Variants in SCARA5 observed in about 807,000 individuals in gnomAD.
SCARA5 encodes the protein scavenger receptor class A member 5.
In SCARA5, 45 loss-of-function variants were observed where a neutral mutation model predicts 46.3. That is an observed-to-expected ratio of 0.97 (90% CI 0.76 to 1.24). SCARA5 has a LOEUF of 1.24. Among genes scored for constraint, SCARA5 ranks in the 50% most tolerant of loss-of-function variants. SCARA5 has a pLI of 0.00. For synonymous variants in SCARA5, 333 were observed against 306.5 expected (o/e 1.09, Z -0.90); for missense variants, 680 against 689.0 (o/e 0.99, Z 0.15).
chr8:27,945,181 G>GAA (rs946921570), intron 3 of SCARA5, among the ~76,000 whole-genome samples: 18 of 136,212 alleles, frequency 1.3e-4, no homozygotes, highest in South Asian at 4.7e-4. Context: ...ATAATAAATT[G>GAA]AAAAAAAAAA....
intron 7 of SCARA5, among the ~76,000 whole-genome samples, chr8:27,884,937 G>T (rs1017304323): frequency 6.6e-6 from 1 of 152,164 alleles, no homozygotes; most frequent in African/African-American, 2.4e-5. Flanking sequence ...GTGGGCAAGT[G>T]AACAAAGGAG....
At chr8:27,975,597 C>T (rs1808510728) in intron 2 of SCARA5, among the ~76,000 whole-genome samples, 1 of 152,218 alleles carries the variant, frequency 6.6e-6, no homozygotes, top group South Asian at 2.1e-4. Context: ...AGAGAACCCA[C>T]TGCAGAATTG....
chr8:27,889,562 C>T (rs190819885), intron 7 of SCARA5, among the ~76,000 whole-genome samples: 6 of 152,318 alleles, frequency 3.9e-5, no homozygotes, highest in Admixed American at 3.9e-4. Flanking sequence ...TCCTTTCTTT[C>T]CCAGAATCCT....
chr8:27,896,152 G>T (rs1467855972), intron 7 of SCARA5, among the ~76,000 whole-genome samples: 1 of 152,212 alleles, frequency 6.6e-6, no homozygotes, highest in Non-Finnish European at 1.5e-5. Flanking sequence ...AGAAAGAAAT[G>T]CTGGAGAGCC....
rs557958798 is a variant in SCARA5, at chr8:27,899,477, G to A, written c.1153+5301C>T. On this transcript the variant is annotated intron_variant, in intron 7 of 8. Transcript: ENST00000354914. Reference sequence around the variant, plus strand: ...AAAGTGGAAGTGCAGACAAGAGAAGGAGCAGGAGCAGAAGAGAAACTTGGA... The same window carrying A: ...AAAGTGGAAGTGCAGACAAGAGAAGAAGCAGGAGCAGAAGAGAAACTTGGA... 1.6e-4 allele frequency among the ~76,000 whole-genome samples: 24 copies of A among 152,352 alleles called. No homozygotes were observed. The South Asian group carries it at 4.8e-3, about 30-fold the overall frequency.
chr8:27,913,450 T>A (rs1164042037), intron 4 of SCARA5, among the ~76,000 whole-genome samples: 1 of 152,232 alleles, frequency 6.6e-6, no homozygotes, highest in Non-Finnish European at 1.5e-5. Context: ...ACTGACACTA[T>A]CCTTTCTTCA....
chr8:27,929,195 G>A (rs1250747654), intron 3 of SCARA5, among the ~76,000 whole-genome samples: 1 of 152,164 alleles, frequency 6.6e-6, no homozygotes, highest in Admixed American at 6.5e-5. Flanking sequence ...TAGGTGGCTT[G>A]CCCCTGCACA....
intron 3 of SCARA5, among the ~76,000 whole-genome samples, chr8:27,928,659 CTT>C (rs200965783): frequency 6.6e-6 from 1 of 151,414 alleles, no homozygotes; most frequent in Non-Finnish European, 1.5e-5. Context: ...TTTTTCTTTT[CTT>C]TTTTTTTCTT....
chr8:27,899,395 G>A (rs1025131807), intron 7 of SCARA5, among the ~76,000 whole-genome samples: 1 of 152,212 alleles, frequency 6.6e-6, no homozygotes, highest in Non-Finnish European at 1.5e-5. Flanking sequence ...CTACAGAACT[G>A]CATAGAGTTG....
At chr8:27,915,863 C>G (rs1164456234) in intron 4 of SCARA5, among the ~76,000 whole-genome samples, 1 of 152,134 alleles carries the variant, frequency 6.6e-6, no homozygotes, top group African/African-American at 2.4e-5. Context: ...TTCCAGAAAA[C>G]CTGCATCCTT....
chr8:27,988,965 ATCAG>A (rs1196669499), intron 1 of SCARA5, among the ~76,000 whole-genome samples: 6 of 152,016 alleles, frequency 3.9e-5, no homozygotes, highest in Middle Eastern at 3.2e-3. Context: ...TGATTGAGAG[ATCAG>A]TCAATCAGTT....
intron 3 of SCARA5, among the ~76,000 whole-genome samples, chr8:27,923,340 G>A (rs1183289395): frequency 6.6e-6 from 1 of 152,140 alleles, no homozygotes; most frequent in East Asian, 1.9e-4. Context: ...GTGTTCTCAC[G>A]ACTTCTGATA....
In SCARA5 at chr8:27,870,203, T is replaced by A. The variant is rs1806612080; in HGVS notation, c.*1731A>T. The A allele has an allele frequency of 6.9e-6, 1 of 145,020 alleles. No homozygotes were observed. Among genetic ancestry groups the A allele is most frequent in the South Asian group, 2.2e-4 (1 of 4,522 alleles). 9.0% of individuals were successfully genotyped at this position (145,020 alleles called of 1,614,324 possible). On this transcript the variant is annotated 3_prime_UTR_variant, in exon 9 of 9. Coordinates refer to ENST00000354914, the MANE Select transcript of SCARA5 (RefSeq NM_173833.6). ...AATTTAGTTTGTTCAATGTGGCATC[T>A]TTCACCTTTAGTTTTTTTTTTTTTT...
intron 3 of SCARA5, among the ~76,000 whole-genome samples, chr8:27,964,867 G>C (rs1340560868): frequency 3.9e-5 from 6 of 151,952 alleles, no homozygotes; most frequent in Non-Finnish European, 8.8e-5. Flanking sequence ...TTCTGTATCT[G>C]TCACCTAAAA....
At chr8:27,907,098 G>T in intron 6 of SCARA5, 50 bp downstream of exon 6, 1 of 1,373,642 alleles carries the variant, frequency 7.3e-7, no homozygotes, top group Non-Finnish European at 1.0e-6. Context: ...ATGCCCATGT[G>T]CTGCCTGGGA....
intron 3 of SCARA5, among the ~76,000 whole-genome samples, chr8:27,957,996 G>C (rs1188733619): frequency 2.7e-5 from 4 of 149,406 alleles, no homozygotes; most frequent in Non-Finnish European, 4.4e-5. Flanking sequence ...AAATGGATGA[G>C]CGTGTCTGTG....
chr8:27,970,820 C>T (rs982316305), intron 2 of SCARA5, among the ~76,000 whole-genome samples: 1 of 152,072 alleles, frequency 6.6e-6, no homozygotes, highest in African/African-American at 2.4e-5. Flanking sequence ...TGGAGTCCTC[C>T]CAGATTATAT....
At chr8:27,989,631 G>A (rs555328452) in intron 1 of SCARA5, among the ~76,000 whole-genome samples, 1 of 152,224 alleles carries the variant, frequency 6.6e-6, no homozygotes, top group Non-Finnish European at 1.5e-5. Flanking sequence ...GGGGCTCCCA[G>A]TATCTGCGGG....
At chr8:27,914,158 C>G (rs932068405) in intron 4 of SCARA5, among the ~76,000 whole-genome samples, 5 of 152,232 alleles carry the variant, frequency 3.3e-5, no homozygotes, top group African/African-American at 9.6e-5. Flanking sequence ...TGCACACACT[C>G]TCTTGCCTGC....
Sources: gnomAD v4.1 joint callset for allele counts (sites outside exome capture counted in the v4.1 genomes callset) on GRCh38, gnomAD v4.1.1 for gene constraint, MANE v1.5 for transcripts, NCBI Gene and HGNC (gene_info 2026-07-23, HGNC 2026-07-21) for gene names.